ASTN2: variants seen among roughly 807,000 people sequenced by gnomAD.
ASTN2 encodes astrotactin-2.
In ASTN2, 54 loss-of-function variants were observed where a neutral mutation model predicts 139.8. The observed-to-expected ratio is 0.39, with a 90% CI of 0.31 to 0.48. The LOEUF is 0.48. Ranked by LOEUF, ASTN2 falls within the 20% of genes least tolerant of loss-of-function variation. The probability of loss-of-function intolerance (pLI) is 0.95; values close to 1 mark genes in which losing one functional copy is unlikely to be tolerated. For synonymous variants in ASTN2, 756 were observed against 719.5 expected (o/e 1.05, Z -0.81); for missense variants, 1,565 against 1,725.1 (o/e 0.91, Z 1.64).
intron 16 of ASTN2, among the ~76,000 whole-genome samples, chr9:116,691,601 A>C (rs1361633663): frequency 1.3e-5 from 2 of 152,196 alleles, no homozygotes; most frequent in East Asian, 3.8e-4. Context: ...CCAGACTGGT[A>C]CAACTTCAGG....
At chr9:117,363,920 C>T (rs190497012) in intron 1 of ASTN2, among the ~76,000 whole-genome samples, 10 of 152,298 alleles carry the variant, frequency 6.6e-5, no homozygotes, top group African/African-American at 2.2e-4. Context: ...TTTATGGAAT[C>T]TCAGTTTCCT....
At chr9:117,153,549 T>C (rs991106709) in intron 3 of ASTN2, among the ~76,000 whole-genome samples, 2 of 152,092 alleles carry the variant, frequency 1.3e-5, no homozygotes, top group Admixed American at 6.6e-5. Flanking sequence ...CAAACAGAGC[T>C]TAATTAATTT....
chr9:117,187,261 T>C (rs1420812194), intron 3 of ASTN2, among the ~76,000 whole-genome samples: 4 of 152,050 alleles, frequency 2.6e-5, no homozygotes, highest in African/African-American at 9.7e-5. Flanking sequence ...GGGTGCTATA[T>C]GAAGAAAAAC....
At chr9:116,555,272 C>T (rs1350057561) in intron 19 of ASTN2, among the ~76,000 whole-genome samples, 1 of 152,146 alleles carries the variant, frequency 6.6e-6, no homozygotes, top group African/African-American at 2.4e-5. Flanking sequence ...CGAGCTCCCC[C>T]AGTCTGCGCC....
chr9:117,377,631 T>A (rs563497687), intron 1 of ASTN2, among the ~76,000 whole-genome samples: 4 of 151,688 alleles, frequency 2.6e-5, no homozygotes, highest in Admixed American at 2.0e-4. Flanking sequence ...GAAATGCACA[T>A]GGCAAGAAGC....
At chr9:117,258,648 A>G (rs1394327687) in intron 2 of ASTN2, among the ~76,000 whole-genome samples, 1 of 152,150 alleles carries the variant, frequency 6.6e-6, no homozygotes, top group Non-Finnish European at 1.5e-5. Context: ...AGCCTTTATC[A>G]TCAAAATTCT....
intron 4 of ASTN2, among the ~76,000 whole-genome samples, chr9:117,115,941 C>T (rs149951721): frequency 1.5e-3 from 231 of 151,724 alleles, no homozygotes; most frequent in African/African-American, 4.7e-3. Context: ...AGGAGAATGG[C>T]GTGAACCCAG....
In ASTN2 at chr9:117,414,155, T is replaced by G. The variant is rs1013154051; in HGVS notation, c.442+342A>C. On this transcript the variant is annotated intron_variant, in intron 1 of 22. Transcript: ENST00000313400. This position sits in a 1 kb window ranked among gnomAD's most constrained non-coding sequence, Gnocchi z 4.2. ...CTCGACCTGAAACTGGCTTAGGATC[T>G]GGGATGCTCCGGCCCCTAGCCAGAG... Among the ~76,000 whole-genome samples the G allele has an allele frequency of 6.6e-6, 1 of 152,012 alleles. No homozygotes were observed. Among genetic ancestry groups the G allele is most frequent in the Non-Finnish European group, 1.5e-5 (1 of 68,002 alleles).
chr9:116,457,756 T>C lies in ASTN2; in HGVS notation c.3498-15203A>G, dbSNP rs574702129. The stretch of plus-strand genomic sequence containing the variant: ...AACCCTCGTATGTTACTGGTGGAAA[T>C]GTAAATTAATACGACCACTATGGGG... On this transcript the variant is annotated intron_variant, in intron 20 of 22. Transcript: ENST00000313400. 2.0e-5 allele frequency among the ~76,000 whole-genome samples: 3 copies of C among 152,172 alleles called. No homozygotes were observed. In the East Asian group the frequency reaches 5.8e-4, roughly 29 times the overall value.
At chr9:116,601,359 C>T (rs1444052363) in intron 19 of ASTN2, among the ~76,000 whole-genome samples, 1 of 152,190 alleles carries the variant, frequency 6.6e-6, no homozygotes, top group Non-Finnish European at 1.5e-5. Flanking sequence ...AAATAAGATA[C>T]CTATTCATCA....
At chr9:116,634,589 CAAA>C (rs57882262) in intron 17 of ASTN2, among the ~76,000 whole-genome samples, 38 of 104,204 alleles carry the variant, frequency 3.6e-4, no homozygotes, top group African/African-American at 1.5e-3. Flanking sequence ...GACTCCGTCT[CAAA>C]AAAAAAAAAA....
chr9:116,497,469 G>A (rs1424033541), intron 19 of ASTN2, among the ~76,000 whole-genome samples: 3 of 152,076 alleles, frequency 2.0e-5, no homozygotes, highest in South Asian at 2.1e-4. Context: ...AAGGGAGAAC[G>A]GCAAGGACTG....
intron 2 of ASTN2, among the ~76,000 whole-genome samples, chr9:117,258,716 C>G (rs1317492875): frequency 6.6e-6 from 1 of 152,132 alleles, no homozygotes; most frequent in African/African-American, 2.4e-5. Context: ...CACAACAAAC[C>G]ACTTCCACTC....
rs761475503 is a variant in ASTN2, at chr9:117,214,410, A to C, written c.963T>G (p.Thr321=). Residue 321 remains threonine, a synonymous_variant, in exon 3 of 23, where the codon ACT becomes ACG. Transcript: ENST00000313400. The stretch of plus-strand genomic sequence containing the variant: ...CCCCTGGATGTCCCAGACTGTCCAG[A>C]GTGTGGGTCACCTGGCTGCCAAACT... ...EDEFGSQVTH[T]LDSLGHPGEE... is the part of the protein sequence containing the mutation. 3.1e-6 allele frequency: 5 copies of C among 1,613,818 alleles called. No homozygotes were observed. In the South Asian group the frequency reaches 5.5e-5, roughly 18 times the overall value.
rs577092462 is a variant in ASTN2, at chr9:117,162,200, T to C, written c.1016-20722A>G. Among the ~76,000 whole-genome samples, 6 of 152,148 alleles carry C rather than the reference T, an allele frequency of 3.9e-5. No homozygotes were observed. In the East Asian group the frequency reaches 9.7e-4, roughly 25 times the overall value. Reference sequence around the variant, plus strand: ...GAAGAACAGGTAACTTTTGAAGAGATGATTTATAGAGGATTTTTTGGGAAA... The same window carrying C: ...GAAGAACAGGTAACTTTTGAAGAGACGATTTATAGAGGATTTTTTGGGAAA... On this transcript the variant is annotated intron_variant, in intron 3 of 22. Transcript: ENST00000313400.
chr9:116,761,981 C>T (rs1416037509), intron 13 of ASTN2, among the ~76,000 whole-genome samples: 1 of 152,186 alleles, frequency 6.6e-6, no homozygotes, highest in Non-Finnish European at 1.5e-5. Context: ...TAGATGTGGA[C>T]ATGCAGCTTT....
At chr9:116,663,270 A>G (rs1858668797) in intron 16 of ASTN2, among the ~76,000 whole-genome samples, 1 of 152,186 alleles carries the variant, frequency 6.6e-6, no homozygotes, top group Admixed American at 6.5e-5. Flanking sequence ...AGGAGAGCAG[A>G]CCAACAAGGT....
rs147527911 is a variant in ASTN2 at position 117,293,245 on chromosome 9, G to A, written c.443-1732C>T. 1.9e-3 allele frequency among the ~76,000 whole-genome samples: 296 copies of A among 152,138 alleles called. 1 individual carries two copies. The highest frequency in any genetic ancestry group is 3.3e-3 in the Non-Finnish European group (222 of 68,004). ...CTACATCAGCCACATGGGACAAGGC[G>A]TCATGCTGTCTTGCCTGGCTTACTG... is the stretch of plus-strand genomic sequence containing the variant. On this transcript the variant is annotated intron_variant, in intron 1 of 22. Coordinates refer to ENST00000313400, the MANE Select transcript of ASTN2 (RefSeq NM_001365068.1).
intron 16 of ASTN2, among the ~76,000 whole-genome samples, chr9:116,662,025 A>T (rs943924235): frequency 4.6e-5 from 7 of 151,292 alleles, no homozygotes; most frequent in South Asian, 2.1e-4. Context: ...AAAAGAAAAA[A>T]ATATATATAT....
Sources: allele counts gnomAD v4.1 joint callset (sites outside exome capture counted in the v4.1 genomes callset), GRCh38; gene constraint gnomAD v4.1.1; non-coding constraint Gnocchi (gnomAD v3.1); transcripts MANE v1.5; gene names NCBI Gene and HGNC (gene_info 2026-07-23, HGNC 2026-07-21).